RTN4RL1: variants seen among roughly 807,000 people sequenced by gnomAD.
RTN4RL1 encodes the protein reticulon 4 receptor like 1.
In RTN4RL1, 7 loss-of-function variants were observed where a neutral mutation model predicts 25.6. That is an observed-to-expected ratio of 0.27 (90% CI 0.16 to 0.51). The LOEUF is 0.51. RTN4RL1 is among the 20% of genes least tolerant of loss of function. The pLI is 0.97. For missense variants in RTN4RL1, 500 were observed against 615.6 expected (o/e 0.81, Z 1.99); for synonymous variants, 297 against 288.2 (o/e 1.03, Z -0.31).
intron 1 of RTN4RL1, among the ~76,000 whole-genome samples, chr17:2,005,770 T>TC (rs1169193658): frequency 4.6e-4 from 65 of 140,918 alleles, no homozygotes; most frequent in Non-Finnish European, 3.0e-4. Flanking sequence ...TCTCTCCTTC[T>TC]CTTTCTTTTT....
rs2067254780 is a variant in RTN4RL1 at position 2,025,122 on chromosome 17, G to A, written c.-257C>T. The A allele has an allele frequency of 3.0e-6, 1 of 338,426 alleles. No individual in the cohort carries two copies. Among genetic ancestry groups the A allele is most frequent in the African/African-American group, 2.1e-5 (1 of 46,570 alleles). The allele number at this position is 338,426 out of a possible 1,614,324, so 21.0% of individuals were successfully genotyped here. A position where few individuals can be genotyped will look rare whatever the true frequency, so the allele number is the denominator to read the frequency against. On this transcript the variant is annotated 5_prime_UTR_variant, in exon 1 of 2. Coordinates refer to ENST00000331238, the MANE Select transcript of RTN4RL1 (RefSeq NM_178568.4). This position sits in a 1 kb window ranked among gnomAD's most constrained non-coding sequence, Gnocchi z 4.8. ...CGCTTGCTCAGCCCCGGGGCGAGCG[G>A]CTTGCTCCGCGGAGCCGGCGGCCTG...
chr17:1,962,965 TCTCA>T (rs2066772903), intron 1 of RTN4RL1, among the ~76,000 whole-genome samples: 1 of 150,676 alleles, frequency 6.6e-6, no homozygotes, highest in South Asian at 2.1e-4. Flanking sequence ...AGAGACAGGG[TCTCA>T]CTCAGTTGCC....
intron 1 of RTN4RL1, among the ~76,000 whole-genome samples, chr17:1,975,519 C>T (rs767932261): frequency 2.6e-5 from 4 of 152,064 alleles, no homozygotes; most frequent in Admixed American, 6.5e-5. Context: ...GGTGTGGTGG[C>T]GCGGACCTGT....
At chr17:2,000,756 G>A (rs934518599) in intron 1 of RTN4RL1, among the ~76,000 whole-genome samples, 1 of 152,118 alleles carries the variant, frequency 6.6e-6, no homozygotes, top group African/African-American at 2.4e-5. Context: ...CTGACCTCAG[G>A]TGATCCGCCC....
At chr17:1,993,653 T>C (rs1282888055) in intron 1 of RTN4RL1, among the ~76,000 whole-genome samples, 3 of 152,132 alleles carry the variant, frequency 2.0e-5, no homozygotes, top group Non-Finnish European at 4.4e-5. Context: ...TCCCCTACCC[T>C]TCCATCAGAG....
At chr17:1,945,647 GGCC>G (rs1228480315) in intron 1 of RTN4RL1, among the ~76,000 whole-genome samples, 1 of 152,174 alleles carries the variant, frequency 6.6e-6, no homozygotes, top group African/African-American at 2.4e-5. Flanking sequence ...CACCACGCCC[GGCC>G]GCCCTGCTTC....
intron 1 of RTN4RL1, among the ~76,000 whole-genome samples, chr17:1,966,327 C>T (rs2066791249): frequency 6.6e-6 from 1 of 152,158 alleles, no homozygotes; most frequent in African/African-American, 2.4e-5. Context: ...GGGCGAGGCC[C>T]CCTCTCCTGT....
chr17:2,006,713 C>T (rs774099615), intron 1 of RTN4RL1, among the ~76,000 whole-genome samples: 9 of 152,254 alleles, frequency 5.9e-5, no homozygotes, highest in African/African-American at 1.4e-4. Flanking sequence ...TTCCGCCTCC[C>T]GGCTTCAAGT....
intron 1 of RTN4RL1, among the ~76,000 whole-genome samples, chr17:1,939,580 C>T (rs1340871262): frequency 6.6e-6 from 1 of 152,108 alleles, no homozygotes; most frequent in Non-Finnish European, 1.5e-5. Context: ...CCAGGCCTTG[C>T]CTCTCGACTG....
In RTN4RL1 at chr17:1,936,119, G is replaced by A; in HGVS notation, c.*377C>T. 9.6e-7 allele frequency: 1 copy of A among 1,040,420 alleles called. No individual in the cohort carries two copies. The highest frequency in any genetic ancestry group is 1.2e-6 in the Non-Finnish European group (1 of 865,268). 64.4% of individuals were successfully genotyped at this position (1,040,420 alleles called of 1,614,324 possible). A position where few individuals can be genotyped will look rare whatever the true frequency, so the allele number is the denominator to read the frequency against. On this transcript the variant is annotated 3_prime_UTR_variant, in exon 2 of 2. Coordinates refer to ENST00000331238, the MANE Select transcript of RTN4RL1 (RefSeq NM_178568.4). ...CGTCCTGCTTTCTCCAGGAACCACG[G>A]GGCCCTCCAGACCTCTCGGAACGAT...
intron 1 of RTN4RL1, among the ~76,000 whole-genome samples, chr17:2,015,546 A>G (rs2067109687): frequency 6.6e-6 from 1 of 152,214 alleles, no homozygotes; most frequent in East Asian, 1.9e-4. Context: ...GGGCAGCCGC[A>G]GAACCATGGA....
intron 1 of RTN4RL1, among the ~76,000 whole-genome samples, chr17:1,992,092 C>CAGTG (rs200211752): frequency 0.014 from 2,158 of 152,218 alleles, 24 homozygotes; most frequent in Non-Finnish European, 0.022. Flanking sequence ...GTGCCGGGCG[C>CAGTG]AGTGGCTCAC....
At chr17:2,005,573 C>T (rs2066987170) in intron 1 of RTN4RL1, among the ~76,000 whole-genome samples, 1 of 152,032 alleles carries the variant, frequency 6.6e-6, no homozygotes, top group Non-Finnish European at 1.5e-5. Flanking sequence ...TCCAGAGAGG[C>T]CACAGGGCTC....
At position 1,968,989 on chromosome 17, in the gene RTN4RL1, T is replaced by C. The variant is rs534505637; in HGVS notation, c.14-31181A>G. Among the ~76,000 whole-genome samples, 4 of 150,268 alleles carry C rather than the reference T, an allele frequency of 2.7e-5. No individual in the cohort carries two copies. The East Asian group carries it at 7.8e-4, about 29-fold the overall frequency. On this transcript the variant is annotated intron_variant, in intron 1 of 1. Coordinates refer to ENST00000331238, the MANE Select transcript of RTN4RL1 (RefSeq NM_178568.4). ...GCCCAGGAAACCAACCCATGATCTA[T>C]AGCAACCAGCCCAGGAAGCCAATCT...
chr17:1,982,487 C>A (rs1009966179), intron 1 of RTN4RL1, among the ~76,000 whole-genome samples: 1 of 151,336 alleles, frequency 6.6e-6, no homozygotes, highest in Non-Finnish European at 1.5e-5. Context: ...TGGTGGCGGG[C>A]GCCTGTAGTC....
intron 1 of RTN4RL1, among the ~76,000 whole-genome samples, chr17:1,999,094 T>TCG (rs1555520474): frequency 1.4e-5 from 2 of 147,276 alleles, no homozygotes; most frequent in African/African-American, 5.1e-5. Context: ...ACATGCGCGA[T>TCG]CACACACACA....
chr17:2,006,222 A>G (rs577911540), intron 1 of RTN4RL1, among the ~76,000 whole-genome samples: 4 of 151,842 alleles, frequency 2.6e-5, no homozygotes, highest in Admixed American at 1.3e-4. Context: ...CAATGGCACA[A>G]TCTCGGCTCA....
chr17:1,957,029 C>T lies in RTN4RL1; in HGVS notation c.14-19221G>A, dbSNP rs368498138. Among the ~76,000 whole-genome samples the T allele has an allele frequency of 3.8e-3, 575 of 152,318 alleles. 4 individuals are homozygous for T. The highest frequency in any genetic ancestry group is 0.013 in the African/African-American group (533 of 41,576). ...TGCTGGGATTACAGGCGTGAGCCAC[C>T]GCGCCCAGCCAGGAACTTTTGATGT... On this transcript the variant is annotated intron_variant, in intron 1 of 1. Transcript: ENST00000331238.
intron 1 of RTN4RL1, among the ~76,000 whole-genome samples, chr17:1,959,483 C>A (rs894410782): frequency 6.6e-6 from 1 of 152,144 alleles, no homozygotes; most frequent in Non-Finnish European, 1.5e-5. Context: ...ACACCTAAAT[C>A]CCCAGAGCTC....
Sources: gnomAD v4.1 joint callset for allele counts (sites outside exome capture counted in the v4.1 genomes callset) on GRCh38, gnomAD v4.1.1 for gene constraint, Gnocchi (gnomAD v3.1) non-coding constraint, MANE v1.5 for transcripts, NCBI Gene and HGNC (gene_info 2026-07-23, HGNC 2026-07-21) for gene names.